Variants in RBMX2 observed in about 807,000 individuals in gnomAD.
The protein encoded by RBMX2 is RNA-binding motif protein, X-linked 2.
For synonymous variants in RBMX2, 77 were observed against 94.3 expected, an observed-to-expected ratio of 0.82 and a Z score of 1.07; for missense variants, 191 against 256.0, an observed-to-expected ratio of 0.75 and a Z score of 1.73.
chrX:130,412,309 C>T (rs944580891), intron 5 of RBMX2, 52 bp from the exon 6 acceptor site: 8 of 1,001,623 alleles, frequency 8.0e-6, no homozygotes, highest in East Asian at 3.3e-5. Flanking sequence ...TAAGGGAGTT[C>T]TTTTATTTTT....
chrX:130,407,228 C>G (rs2034490296), intron 3 of RBMX2, among the ~76,000 whole-genome samples: 2 of 109,800 alleles, frequency 1.8e-5, no homozygotes, highest in Non-Finnish European at 3.8e-5. Context: ...CTCCTTCACC[C>G]AGATCCCCCA....
Position 130,405,061 on chromosome X carries a change from C to T in RBMX2, c.173+1208C>T, listed in dbSNP as rs183019358. 3.4e-3 allele frequency among the ~76,000 whole-genome samples: 381 copies of T among 111,962 alleles called. 1 individual carries two copies. Among genetic ancestry groups the T allele is most frequent in the Non-Finnish European group, 5.7e-3 (303 of 53,155 alleles). Reference sequence around the variant, plus strand: ...TGCTCTCCATGAAGATTGCCTTTGCCGCTGATAACAGTGCCTTTCAAAAAA... The same window carrying T: ...TGCTCTCCATGAAGATTGCCTTTGCTGCTGATAACAGTGCCTTTCAAAAAA... On this transcript the variant is annotated intron_variant, in intron 3 of 5. Coordinates refer to ENST00000305536, the MANE Select transcript of RBMX2 (RefSeq NM_016024.4).
intron 4 of RBMX2, among the ~76,000 whole-genome samples, chrX:130,410,389 T>TG (rs909550481): frequency 2.1e-5 from 1 of 48,353 alleles, no homozygotes; most frequent in African/African-American, 8.4e-5. Context: ...GTTAATTTTT[T>TG]GGGGGGTGGG....
chrX:130,412,336 A>T, intron 5 of RBMX2, 25 bp from the exon 6 acceptor site: 1 of 1,079,944 alleles, frequency 9.3e-7, no homozygotes, highest in Non-Finnish European at 1.2e-6. Flanking sequence ...TTTCTTATTT[A>T]CTGCTTCTTT....
At position 130,412,983 on chromosome X, in the gene RBMX2, T is replaced by A; in HGVS notation, c.*135T>A. On this transcript the variant is annotated 3_prime_UTR_variant, in exon 6 of 6. Coordinates refer to ENST00000305536, the MANE Select transcript of RBMX2 (RefSeq NM_016024.4). ...TTAATCCCTTGACTATTTAGAGTCATTGGGAGGGCTGCAGTTTCAACAGCT... is the reference window on the plus strand; with the variant it reads ...TTAATCCCTTGACTATTTAGAGTCAATGGGAGGGCTGCAGTTTCAACAGCT... 1.6e-6 allele frequency: 1 copy of A among 635,025 alleles called. No individual in the cohort carries two copies. Among genetic ancestry groups the A allele is most frequent in the Non-Finnish European group, 2.3e-6 (1 of 430,054 alleles). 52.3% of individuals were successfully genotyped at this position (635,025 alleles called of 1,213,427 possible).
chrX:130,412,738 C>G lies in RBMX2; in HGVS notation c.859C>G (p.Arg287Gly). ...SSWYNGRSEG[R>G]SYRSRSRSRD... The stretch of plus-strand genomic sequence containing the variant: ...CTGGTATAATGGGCGTTCTGAAGGG[C>G]GTAGTTATAGAAGTAGAAGTAGGAG... The change falls in exon 6 of 6, where the codon CGT becomes GGT. Residue 287 changes from arginine (R) to glycine (G), a missense_variant. Arg to Gly is a moderately radical substitution (Grantham distance 125, BLOSUM62 -2). Coordinates refer to ENST00000305536, the MANE Select transcript of RBMX2 (RefSeq NM_016024.4). 8.3e-7 allele frequency: 1 copy of G among 1,210,753 alleles called. No individual in the cohort carries two copies. Among genetic ancestry groups the G allele is most frequent in the Non-Finnish European group, 1.1e-6 (1 of 895,218 alleles).
At chrX:130,411,300 G>C in intron 4 of RBMX2, 48 bp from the exon 5 acceptor site, 1 of 1,073,611 alleles carries the variant, frequency 9.3e-7, no homozygotes. Context: ...TAGTTTGACA[G>C]TTTGGTATGA....
chrX:130,403,562 G>A (rs185901695), intron 2 of RBMX2, among the ~76,000 whole-genome samples: 5 of 110,840 alleles, frequency 4.5e-5, no homozygotes, highest in Non-Finnish European at 7.6e-5. Flanking sequence ...TAGTAGAGCC[G>A]GGGTTTCGCC....
rs1434604763 is a variant in RBMX2, at chrX:130,403,834, A to G, written c.154A>G (p.Ile52Val). 8.3e-7 allele frequency: 1 copy of G among 1,210,809 alleles called. No homozygotes were observed. Among genetic ancestry groups the G allele is most frequent in the Admixed American group, 2.2e-5 (1 of 46,126 alleles). The change falls in exon 3 of 6, where the codon ATC (isoleucine) becomes GTC (valine). Residue 52 changes from isoleucine (I) to valine (V), a missense_variant. By Grantham distance (29) the Ile-to-Val change is conservative. Transcript: ENST00000305536. The stretch of plus-strand genomic sequence containing the variant: ...TCCTTATGAACTGACTGAAGGGGAC[A>G]TCATCTGTGTGTTCTCACAGTAAGT... Reference protein sequence around the residue: ...GLPYELTEGDIICVFSQYGEI... With the variant: ...GLPYELTEGDVICVFSQYGEI...
At chrX:130,407,134 C>CTT (rs59357525) in intron 3 of RBMX2, among the ~76,000 whole-genome samples, 12 of 99,512 alleles carry the variant, frequency 1.2e-4, no homozygotes, top group South Asian at 4.4e-4. Context: ...TGCCTGTATT[C>CTT]TTTTTTTTTT....
At chrX:130,407,352 C>T (rs17314945) in intron 3 of RBMX2, among the ~76,000 whole-genome samples, 14,480 of 110,715 alleles carry the variant, frequency 0.13, 802 homozygotes, top group African/African-American at 0.2. Flanking sequence ...TCTTGGGCTA[C>T]TGTCATATGT....
At chrX:130,411,170 T>G in intron 4 of RBMX2, 178 bp from the exon 5 acceptor site, 1 of 363,693 alleles carries the variant, frequency 2.7e-6, no homozygotes, top group Non-Finnish European at 4.6e-6. Flanking sequence ...GCTGAATGTA[T>G]TAATATTTAG....
Position 130,412,867 on chromosome X carries a change from A to T in RBMX2, c.*19A>T. On this transcript the variant is annotated 3_prime_UTR_variant, in exon 6 of 6. Transcript: ENST00000305536. ...TCACTGAAGACTTCAGCTGCACAGT[A>T]GATTTGGAAATAATTATGTTTTTTA... 8.5e-7 allele frequency: 1 copy of T among 1,172,839 alleles called. No homozygotes were observed. The highest frequency in any genetic ancestry group is 1.1e-6 in the Non-Finnish European group (1 of 877,768).
At chrX:130,402,229 T>TACCCCCC in intron 1 of RBMX2, 26 bp from the exon 2 acceptor site, 1 of 723,007 alleles carries the variant, frequency 1.4e-6, no homozygotes, top group Non-Finnish European at 1.9e-6. Context: ...CTGCCTACCC[T>TACCCCCC]CCCCACCCCC....
intron 4 of RBMX2, among the ~76,000 whole-genome samples, chrX:130,410,019 A>G (rs191266455): frequency 4.6e-3 from 519 of 112,391 alleles, no homozygotes; most frequent in South Asian, 0.017. Context: ...TCATTTAGGA[A>G]AAGAGCTGCA....
At chrX:130,412,221 C>T (rs1349236465) in intron 5 of RBMX2, 140 bp from the exon 6 acceptor site, 11 of 834,261 alleles carry the variant, frequency 1.3e-5, no homozygotes, top group African/African-American at 4.3e-5. Context: ...CCACCGCACC[C>T]GGCTGTGAAT....
chrX:130,402,230 C>CAAA, intron 1 of RBMX2, 25 bp from the exon 2 acceptor site: 5 of 776,031 alleles, frequency 6.4e-6, no homozygotes, highest in East Asian at 4.1e-5. Context: ...TGCCTACCCT[C>CAAA]CCCACCCCCC....
At chrX:130,403,573 A>G (rs958537339) in intron 2 of RBMX2, among the ~76,000 whole-genome samples, 3 of 110,842 alleles carry the variant, frequency 2.7e-5, no homozygotes, top group African/African-American at 9.9e-5. Context: ...GGGTTTCGCC[A>G]TGTTGGACAG....
Position 130,412,377 on chromosome X carries a change from GA to G in RBMX2, c.506del (p.Lys169ArgfsTer26), listed in dbSNP as rs1556362812. ...ATCCTCCAGACAAAAAGGAAAAAAA[GA>G]AAAAAAAGAAAGAAAAAGAGAAAGC... ...KHKKDKKEKK[K>X]KKKEKEKADR... On this transcript the variant is annotated frameshift_variant, in exon 6 of 6. Transcript: ENST00000305536. LOFTEE classifies it low-confidence loss of function (END_TRUNC). The G allele has an allele frequency of 8.9e-7, 1 of 1,129,729 alleles. No homozygotes were observed. Among genetic ancestry groups the G allele is most frequent in the Non-Finnish European group, 1.2e-6 (1 of 858,307 alleles). The allele number at this position is 1,129,729 out of a possible 1,213,427, so 93.1% of individuals were successfully genotyped here. A position where few individuals can be genotyped will look rare whatever the true frequency, so the allele number is the denominator to read the frequency against.
Sources: allele counts gnomAD v4.1 joint callset (sites outside exome capture counted in the v4.1 genomes callset), GRCh38; gene constraint gnomAD v4.1.1; transcripts MANE v1.5; gene names NCBI Gene and HGNC (gene_info 2026-07-23, HGNC 2026-07-21).